Variants in HPSE2 observed in about 807,000 individuals in gnomAD.
HPSE2 encodes heparanase 2 (inactive), also known as inactive heparanase-2.
In HPSE2, 38 loss-of-function variants were observed where a neutral mutation model predicts 60.5. The observed-to-expected ratio is 0.63, with a 90% CI of 0.48 to 0.82. HPSE2 has a LOEUF of 0.82. Ranked by LOEUF, HPSE2 falls within the 40% of genes least tolerant of loss-of-function variation. The pLI is 0.00. For missense variants in HPSE2, 713 were observed against 740.4 expected (o/e 0.96, Z 0.43); for synonymous variants, 295 against 293.2 (o/e 1.01, Z -0.06).
rs905464624 is a variant in HPSE2 at position 98,855,136 on chromosome 10, A to C, written c.611-111080T>G. ...ACCTGCACTTGCAGAAAATGGGACC[A>C]GGTGATGCCAAGCACCATACAAGCT... On this transcript the variant is annotated intron_variant, in intron 3 of 11. Coordinates refer to ENST00000370552, the MANE Select transcript of HPSE2 (RefSeq NM_021828.5). Among the ~76,000 whole-genome samples the C allele has an allele frequency of 2.6e-5, 4 of 152,346 alleles. No individual in the cohort carries two copies. In the East Asian group the frequency reaches 7.7e-4, roughly 29 times the overall value.
At chr10:99,250,007 G>T in the HPSE2 span, among the ~76,000 whole-genome samples, 1 of 152,042 alleles carries the variant, frequency 6.6e-6, no homozygotes, top group Non-Finnish European at 1.5e-5. Context: ...GCCAGGCATG[G>T]TGGCGGGTGC....
At chr10:98,982,874 G>A (rs1265532216) in intron 3 of HPSE2, among the ~76,000 whole-genome samples, 1 of 152,188 alleles carries the variant, frequency 6.6e-6, no homozygotes, top group Non-Finnish European at 1.5e-5. Context: ...TGAACTATGT[G>A]GCTGATCACT....
At chr10:99,036,036 C>T (rs1420786242) in intron 3 of HPSE2, among the ~76,000 whole-genome samples, 1 of 152,014 alleles carries the variant, frequency 6.6e-6, no homozygotes, top group Admixed American at 6.6e-5. Flanking sequence ...CAAAGCAAGA[C>T]CCTGTTCCTA....
intron 3 of HPSE2, among the ~76,000 whole-genome samples, chr10:99,138,707 A>G (rs1172260860): frequency 1.3e-5 from 2 of 152,180 alleles, no homozygotes; most frequent in Non-Finnish European, 2.9e-5. Context: ...ACACATGGAC[A>G]TAGGGATGGG....
chr10:98,507,486 TC>T (rs1942240896), intron 9 of HPSE2, among the ~76,000 whole-genome samples: 1 of 152,216 alleles, frequency 6.6e-6, no homozygotes, highest in Non-Finnish European at 1.5e-5. Context: ...TACCATGTCT[TC>T]CCTCAGGGCA....
chr10:98,672,637 G>A (rs1947535819), intron 6 of HPSE2, among the ~76,000 whole-genome samples: 1 of 152,164 alleles, frequency 6.6e-6, no homozygotes, highest in Non-Finnish European at 1.5e-5. Context: ...TTCCTAAGGA[G>A]AACAAACGTC....
chr10:99,261,821 A>G, the HPSE2 span, among the ~76,000 whole-genome samples: 4 of 152,152 alleles, frequency 2.6e-5, no homozygotes, highest in African/African-American at 9.7e-5. Flanking sequence ...GAACCACAGC[A>G]GTCAGGCATT....
intron 6 of HPSE2, among the ~76,000 whole-genome samples, chr10:98,662,123 G>A (rs747185697): frequency 1.3e-5 from 2 of 152,102 alleles, no homozygotes; most frequent in Non-Finnish European, 2.9e-5. Flanking sequence ...TCGATCTCCT[G>A]ACCTCATGAT....
intron 9 of HPSE2, among the ~76,000 whole-genome samples, chr10:98,585,826 C>A (rs1290696028): frequency 3.3e-5 from 5 of 151,302 alleles, no homozygotes; most frequent in Non-Finnish European, 7.4e-5. Flanking sequence ...ATGGTGGGCA[C>A]CTGTGATCCC....
At chr10:99,061,948 C>G (rs1842457078) in intron 3 of HPSE2, among the ~76,000 whole-genome samples, 1 of 152,060 alleles carries the variant, frequency 6.6e-6, no homozygotes, top group Non-Finnish European at 1.5e-5. Flanking sequence ...CTGCATATGA[C>G]TATAGTAAGG....
At chr10:98,471,578 A>T (rs1940782329) in intron 11 of HPSE2, among the ~76,000 whole-genome samples, 1 of 152,152 alleles carries the variant, frequency 6.6e-6, no homozygotes, top group Non-Finnish European at 1.5e-5. Flanking sequence ...AACTTTCCAA[A>T]GACAAGTTTT....
At chr10:99,186,002 A>G (rs1847993782) in intron 2 of HPSE2, among the ~76,000 whole-genome samples, 1 of 152,010 alleles carries the variant, frequency 6.6e-6, no homozygotes, top group African/African-American at 2.4e-5. Flanking sequence ...GAGAAAGAAC[A>G]GGGCCAAAGA....
At chr10:98,766,537 C>T (rs924096620) in intron 3 of HPSE2, among the ~76,000 whole-genome samples, 3 of 152,146 alleles carry the variant, frequency 2.0e-5, no homozygotes, top group African/African-American at 7.2e-5. Flanking sequence ...AAATCCCCAA[C>T]AAAATATTAA....
At chr10:98,600,252 T>G in intron 9 of HPSE2, among the ~76,000 whole-genome samples, 1 of 152,326 alleles carries the variant, frequency 6.6e-6, no homozygotes, top group South Asian at 2.1e-4. Flanking sequence ...GGTAACACCA[T>G]ATATACTACA....
intron 9 of HPSE2, among the ~76,000 whole-genome samples, chr10:98,497,096 G>A (rs1413699285): frequency 6.6e-6 from 1 of 151,900 alleles, no homozygotes; most frequent in Non-Finnish European, 1.5e-5. Flanking sequence ...TTTTTAAGTA[G>A]TCTAGTAATT....
intron 3 of HPSE2, among the ~76,000 whole-genome samples, chr10:98,963,684 G>A (rs1165150365): frequency 6.6e-6 from 1 of 152,060 alleles, no homozygotes; most frequent in Non-Finnish European, 1.5e-5. Flanking sequence ...CTTTTTCCAA[G>A]TAGAGACATT....
intron 3 of HPSE2, among the ~76,000 whole-genome samples, chr10:98,820,284 T>A (rs887162558): frequency 6.6e-6 from 1 of 152,144 alleles, no homozygotes; most frequent in African/African-American, 2.4e-5. Flanking sequence ...CTCCTTAAAC[T>A]TCTAGCAGAC....
rs187999395 is a variant in HPSE2, at chr10:98,595,391, C to T, written c.1320+19513G>A. Among the ~76,000 whole-genome samples the T allele has an allele frequency of 7.2e-5, 11 of 152,066 alleles. No individual in the cohort carries two copies. In the East Asian group the frequency reaches 1.6e-3, roughly 21 times the overall value. On this transcript the variant is annotated intron_variant, in intron 9 of 11. Transcript: ENST00000370552. Reference sequence around the variant, plus strand: ...TTCACTGTGTTAGCCAGGATGGTCTCGCTCTCCTGACCTCGTGATCCACCC... The same window carrying T: ...TTCACTGTGTTAGCCAGGATGGTCTTGCTCTCCTGACCTCGTGATCCACCC...
At chr10:99,292,577 C>T in the HPSE2 span, among the ~76,000 whole-genome samples, 1 of 151,972 alleles carries the variant, frequency 6.6e-6, no homozygotes, top group African/African-American at 2.4e-5. Flanking sequence ...ATAATGAGAA[C>T]CACAAATATG....
Sources: gnomAD v4.1 joint callset for allele counts (sites outside exome capture counted in the v4.1 genomes callset) on GRCh38, gnomAD v4.1.1 for gene constraint, MANE v1.5 for transcripts, NCBI Gene and HGNC (gene_info 2026-07-23, HGNC 2026-07-21) for gene names.